TUBGCP4: variants seen among roughly 807,000 people sequenced by gnomAD.
TUBGCP4 encodes gamma-tubulin complex component 4.
In TUBGCP4, 54 loss-of-function variants were observed where a neutral mutation model predicts 91.6. That is an observed-to-expected ratio of 0.59 (90% confidence interval 0.47 to 0.74). The LOEUF is 0.74. Ranked by LOEUF, TUBGCP4 falls within the 30% of genes least tolerant of loss-of-function variation. TUBGCP4 has a pLI of 0.00. For missense variants in TUBGCP4, 593 were observed against 800.9 expected, an observed-to-expected ratio of 0.74 and a Z score of 3.13; for synonymous variants, 297 against 302.8, an observed-to-expected ratio of 0.98 and a Z score of 0.20.
chr15:43,402,291 T>TA lies in TUBGCP4; in HGVS notation c.1731+452dup, dbSNP rs77026401. 3.6e-3 allele frequency: 507 copies of TA among 139,626 alleles called. 5 individuals are homozygous for TA. Among genetic ancestry groups the TA allele is most frequent in the South Asian group, 0.024 (107 of 4,446 alleles). 8.6% of individuals were successfully genotyped at this position (139,626 alleles called of 1,614,324 possible). On this transcript the variant is annotated intron_variant, in intron 15 of 17. Coordinates refer to ENST00000564079, the MANE Select transcript of TUBGCP4 (RefSeq NM_014444.5). ...CAAGATTCTGTCTTGGGGGAGCAGA[T>TA]AAAAAAAAAAAGAATGTGTAAAGCA...
intron 6 of TUBGCP4, among the ~76,000 whole-genome samples, chr15:43,381,103 G>A (rs918052675): frequency 6.6e-5 from 10 of 151,978 alleles, no homozygotes; most frequent in South Asian, 2.1e-4. Flanking sequence ...CACCGCACCC[G>A]GCCACTCACA....
intron 13 of TUBGCP4, among the ~76,000 whole-genome samples, chr15:43,399,379 T>A (rs908691090): frequency 6.6e-6 from 1 of 152,104 alleles, no homozygotes; most frequent in Non-Finnish European, 1.5e-5. Flanking sequence ...AACACACTAT[T>A]TTTTTTGAGA....
intron 9 of TUBGCP4, chr15:43,393,968 C>G (rs547049316): frequency 6.6e-6 from 1 of 151,934 alleles, no homozygotes; most frequent in Non-Finnish European, 1.5e-5. Flanking sequence ...TCATGTGCCT[C>G]TTTGCCTATT....
Position 43,406,802 on chromosome 15 carries a change from A to G in TUBGCP4, c.*1588A>G. 1 of 351,450 alleles carries G rather than the reference A, an allele frequency of 2.8e-6. No individual in the cohort carries two copies. Among genetic ancestry groups the G allele is most frequent in the Non-Finnish European group, 5.5e-6 (1 of 180,212 alleles). 21.8% of individuals were successfully genotyped at this position (351,450 alleles called of 1,614,324 possible). On this transcript the variant is annotated 3_prime_UTR_variant, in exon 18 of 18. Coordinates refer to ENST00000564079, the MANE Select transcript of TUBGCP4 (RefSeq NM_014444.5). The stretch of plus-strand genomic sequence containing the variant: ...TATCTTACGGAAGGTCATTCCATCA[A>G]GCTTATGGTCACTGTCCCTTCATGG...
Position 43,388,075 on chromosome 15 carries a change from G to T in TUBGCP4, c.1014+1745G>T, listed in dbSNP as rs137961619. On this transcript the variant is annotated intron_variant, in intron 9 of 17. Coordinates refer to ENST00000564079, the MANE Select transcript of TUBGCP4 (RefSeq NM_014444.5). ...CATGTTGGCCAGGCTGGTCTTGAAC[G>T]TTTGGGCTCAAGTGATCCTCCTGCC... Among the ~76,000 whole-genome samples, 34 of 151,918 alleles carry T rather than the reference G, an allele frequency of 2.2e-4. No individual in the cohort carries two copies. The East Asian group carries it at 6.4e-3, about 29-fold the overall frequency.
chr15:43,397,924 C>G lies in TUBGCP4; in HGVS notation c.1280-117C>G, dbSNP rs1007542729. ...ATGGGGTTTCACTGTATTGCCCAGA[C>G]TGGTCTTGAACTCCTGTGAGCTCTA... On this transcript the variant is annotated intron_variant, in intron 12 of 17. Coordinates refer to ENST00000564079, the MANE Select transcript of TUBGCP4 (RefSeq NM_014444.5). The G allele has an allele frequency of 3.8e-6, 4 of 1,043,224 alleles. No individual in the cohort carries two copies. In the East Asian group the frequency reaches 1.0e-4, roughly 27 times the overall value. The allele number at this position is 1,043,224 out of a possible 1,614,324, so 64.6% of individuals were successfully genotyped here.
intron 17 of TUBGCP4, 27 bp from the exon 18 acceptor site, chr15:43,405,175 T>A: frequency 1.2e-6 from 2 of 1,613,978 alleles, no homozygotes; most frequent in Non-Finnish European, 1.7e-6. Context: ...GCATGACACT[T>A]AATAAGGCTC....
At chr15:43,379,309 G>T (rs1212723083) in intron 5 of TUBGCP4, among the ~76,000 whole-genome samples, 1 of 152,176 alleles carries the variant, frequency 6.6e-6, no homozygotes, top group Non-Finnish European at 1.5e-5. Context: ...CTTAAAATGG[G>T]TGAATTTCAT....
rs750071354 is a variant in TUBGCP4 at position 43,403,813 on chromosome 15, G to C, written c.1848+14G>C. 1 of 1,590,728 alleles carries C rather than the reference G, an allele frequency of 6.3e-7. No individual in the cohort carries two copies. The highest frequency in any genetic ancestry group is 1.3e-5 in the African/African-American group (1 of 74,606). The stretch of plus-strand genomic sequence containing the variant: ...ATTCTCGTGAAGGTGCGTCTGCCTG[G>C]AAGTATGCAGCCTTGCCGAAAGGAC... On this transcript the variant is annotated intron_variant, in intron 16 of 17. Transcript: ENST00000564079.
chr15:43,389,023 G>A (rs576985590), intron 9 of TUBGCP4, among the ~76,000 whole-genome samples: 1 of 152,312 alleles, frequency 6.6e-6, no homozygotes, highest in Non-Finnish European at 1.5e-5. Flanking sequence ...GAGTCAATGG[G>A]AGGGGCATGA....
intron 9 of TUBGCP4, among the ~76,000 whole-genome samples, chr15:43,387,124 A>T (rs1320028832): frequency 6.6e-6 from 1 of 152,258 alleles, no homozygotes; most frequent in Non-Finnish European, 1.5e-5. Context: ...AGGAAAGCAG[A>T]ACAAATATTA....
At chr15:43,371,677 G>A (rs893313852) in intron 1 of TUBGCP4, among the ~76,000 whole-genome samples, 1 of 152,192 alleles carries the variant, frequency 6.6e-6, no homozygotes, top group Admixed American at 6.5e-5. Context: ...GGCGAGGAAA[G>A]GGCCTGAGGT....
In TUBGCP4 at chr15:43,381,062, C is replaced by T. The variant is rs2044278762; in HGVS notation, c.521+899C>T. On this transcript the variant is annotated intron_variant, in intron 6 of 17. Coordinates refer to ENST00000564079, the MANE Select transcript of TUBGCP4 (RefSeq NM_014444.5). ...GCTCAACCGATATTCACATCTTGGC[C>T]TCCCAAAGTGTTGAGATTACAGGTG... Among the ~76,000 whole-genome samples the T allele has an allele frequency of 2.0e-5, 3 of 152,174 alleles. No homozygotes were observed. In the South Asian group the frequency reaches 6.2e-4, roughly 32 times the overall value.
At chr15:43,383,198 T>G in intron 6 of TUBGCP4, 105 bp from the exon 7 acceptor site, 2 of 885,568 alleles carry the variant, frequency 2.3e-6, no homozygotes, top group Non-Finnish European at 1.6e-6. Flanking sequence ...TATTTTTAAC[T>G]TAATTGGTTA....
At chr15:43,400,274 G>A in intron 14 of TUBGCP4, 53 bp downstream of exon 14, 1 of 1,539,928 alleles carries the variant, frequency 6.5e-7, no homozygotes, top group South Asian at 1.2e-5. Flanking sequence ...CGTCTAGGAG[G>A]TTGGCAGGGA....
intron 6 of TUBGCP4, 27 bp from the exon 7 acceptor site, chr15:43,383,276 G>A (rs747723170): frequency 6.3e-7 from 1 of 1,598,460 alleles, no homozygotes; most frequent in Non-Finnish European, 8.5e-7. Context: ...CATGACTTCT[G>A]AGCCTCTTAC....
chr15:43,399,284 G>A (rs542991744), intron 13 of TUBGCP4: 8 of 450,016 alleles, frequency 1.8e-5, no homozygotes, highest in Non-Finnish European at 2.7e-5. Flanking sequence ...AGGCAGGAGC[G>A]GGAGTCTGTC....
intron 16 of TUBGCP4, 135 bp from the exon 17 acceptor site, chr15:43,404,278 G>C (rs1405311029): frequency 2.0e-6 from 2 of 985,474 alleles, no homozygotes; most frequent in Non-Finnish European, 2.9e-6. Context: ...ATAGAAATAG[G>C]AATGTGGGAA....
intron 1 of TUBGCP4, among the ~76,000 whole-genome samples, chr15:43,372,045 G>T (rs113006287): frequency 1.3e-5 from 2 of 152,096 alleles, no homozygotes; most frequent in African/African-American, 4.8e-5. Context: ...ATAACTATCG[G>T]GGTCATAGCT....
Sources: allele counts gnomAD v4.1 joint callset (sites outside exome capture counted in the v4.1 genomes callset), GRCh38; gene constraint gnomAD v4.1.1; transcripts MANE v1.5; gene names NCBI Gene and HGNC (gene_info 2026-07-23, HGNC 2026-07-21).